DNAH5: variants seen among roughly 807,000 people sequenced by gnomAD.
DNAH5 encodes the protein dynein axonemal heavy chain 5.
DNAH5 carries 372 observed loss-of-function variants against 518.2 expected under a neutral mutation model. That is an observed-to-expected ratio of 0.72 (90% CI 0.66 to 0.78). DNAH5 has a LOEUF of 0.78. DNAH5 is among the 30% of genes least tolerant of loss of function. The pLI is 0.00. For missense variants in DNAH5, 5,523 were observed against 5,687.0 expected (o/e 0.97, Z 0.93); for synonymous variants, 2,039 against 2,025.9 (o/e 1.01, Z -0.17).
intron 7 of DNAH5, 91 bp downstream of exon 7, chr5:13,919,085 A>T (rs1776965367): frequency 2.0e-6 from 3 of 1,494,408 alleles, no homozygotes; most frequent in South Asian, 2.3e-5. Flanking sequence ...GTATAATAAC[A>T]TTTTTTTGTT....
At chr5:13,886,380 A>T (rs1772439486) in intron 17 of DNAH5, among the ~76,000 whole-genome samples, 1 of 152,182 alleles carries the variant, frequency 6.6e-6, no homozygotes, top group African/African-American at 2.4e-5. Flanking sequence ...ACCAGTAGAG[A>T]AAATATCTTC....
At chr5:13,893,650 C>A (rs1340709472) in intron 16 of DNAH5, among the ~76,000 whole-genome samples, 4 of 152,126 alleles carry the variant, frequency 2.6e-5, no homozygotes, top group African/African-American at 9.7e-5. Context: ...GCCTGATATT[C>A]AGGTCCTTTG....
intron 3 of DNAH5, among the ~76,000 whole-genome samples, chr5:13,927,474 A>C (rs1190131196): frequency 6.6e-6 from 1 of 152,086 alleles, no homozygotes; most frequent in Non-Finnish European, 1.5e-5. Flanking sequence ...GTGCCACTGC[A>C]CTCCAGTCTG....
At chr5:13,835,750 G>A (rs745955030) in intron 35 of DNAH5, among the ~76,000 whole-genome samples, 14 of 151,902 alleles carry the variant, frequency 9.2e-5, no homozygotes, top group African/African-American at 1.5e-4. Context: ...CTCTCTGCTC[G>A]GAGCACCCCT....
At chr5:13,915,687 G>C (rs1776573463) in intron 9 of DNAH5, among the ~76,000 whole-genome samples, 1 of 151,956 alleles carries the variant, frequency 6.6e-6, no homozygotes, top group South Asian at 2.1e-4. Flanking sequence ...CAGAACACGA[G>C]TCTTGATTCA....
At chr5:13,755,318 G>C (rs1252548673) in intron 61 of DNAH5, among the ~76,000 whole-genome samples, 7 of 151,900 alleles carry the variant, frequency 4.6e-5, no homozygotes, top group African/African-American at 1.7e-4. Context: ...ATAAATTATA[G>C]TGTATCCATG....
At chr5:13,712,261 A>G (rs1743585107) in intron 75 of DNAH5, among the ~76,000 whole-genome samples, 1 of 152,220 alleles carries the variant, frequency 6.6e-6, no homozygotes, top group Admixed American at 6.5e-5. Context: ...ATAATTGGCT[A>G]ACCACATGTA....
intron 44 of DNAH5, chr5:13,810,509 G>A: frequency 4.1e-6 from 2 of 489,882 alleles, no homozygotes; most frequent in South Asian, 5.2e-5. Flanking sequence ...GGGAGGCCGA[G>A]GCGGGCGGAT....
intron 68 of DNAH5, among the ~76,000 whole-genome samples, chr5:13,732,209 C>G (rs1181020945): frequency 6.6e-6 from 1 of 151,838 alleles, no homozygotes; most frequent in Non-Finnish European, 1.5e-5. Context: ...AGGCACTCTG[C>G]TTATCAACAA....
chr5:13,776,264 C>A (rs950195524), intron 55 of DNAH5, among the ~76,000 whole-genome samples, 175 bp downstream of exon 55: 1 of 152,302 alleles, frequency 6.6e-6, no homozygotes, highest in Non-Finnish European at 1.5e-5. Flanking sequence ...CTTGGGCTGA[C>A]AAACCTACTT....
intron 67 of DNAH5, 57 bp downstream of exon 67, chr5:13,735,761 T>C: frequency 7.8e-7 from 1 of 1,273,936 alleles, no homozygotes; most frequent in Non-Finnish European, 1.1e-6. Flanking sequence ...AAATGTAATG[T>C]CATCATTTTA....
In DNAH5 at chr5:13,830,041, C is replaced by T; in HGVS notation, c.6234G>A (p.Gly2078=). The change falls in exon 37 of 79, where the codon GGG becomes GGA. Residue 2078 remains glycine, a synonymous_variant. Transcript: ENST00000265104. ...GDNVTMNPEF[G]LFLTMNPGYA... is the part of the protein sequence containing the mutation. ...AGCTCCTTACCATGGTTAAGAAAAG[C>T]CCAAATTCAGGGTTCATAGTCACAT... 4 of 1,613,876 alleles carry T rather than the reference C, an allele frequency of 2.5e-6. No homozygotes were observed. The highest frequency in any genetic ancestry group is 3.4e-6 in the Non-Finnish European group (4 of 1,179,962).
chr5:13,717,403 C>T lies in DNAH5; in HGVS notation c.12617G>A (p.Trp4206Ter), dbSNP rs372118787. The T allele has an allele frequency of 1.2e-5, 20 of 1,613,928 alleles. No individual in the cohort carries two copies. The highest frequency in any genetic ancestry group is 1.6e-5 in the Non-Finnish European group (19 of 1,179,998). ...QERRKFGALG[W>*]NIPYEFNQAD... ...TTGGTTAAATTCGTAGGGGATATTC[C>T]ACCCCAGGGCACCGAACTTGCGCCT... Residue 4206 changes from tryptophan (W) to a stop codon, truncating the protein, a stop_gained, in exon 73 of 79, where the codon TGG (tryptophan) becomes TAG (stop). Coordinates refer to ENST00000265104, the MANE Select transcript of DNAH5 (RefSeq NM_001369.3). LOFTEE classifies it high-confidence loss of function.
At chr5:13,731,006 C>T (rs866164395) in intron 68 of DNAH5, among the ~76,000 whole-genome samples, 3 of 152,112 alleles carry the variant, frequency 2.0e-5, no homozygotes, top group East Asian at 1.9e-4. Context: ...GCCCGGCCTA[C>T]GCATTATTCA....
At chr5:13,700,557 T>C in intron 78 of DNAH5, 83 bp downstream of exon 78, 2 of 1,341,634 alleles carry the variant, frequency 1.5e-6, no homozygotes, top group Non-Finnish European at 2.1e-6. Context: ...TACTACATGA[T>C]AACAAAAATA....
intron 40 of DNAH5, among the ~76,000 whole-genome samples, chr5:13,821,472 A>T (rs1762226773): frequency 6.6e-6 from 1 of 152,236 alleles, no homozygotes; most frequent in Middle Eastern, 3.2e-3. Context: ...TTATAATAAC[A>T]TGATGGAAGG....
At chr5:13,960,841 C>T (rs1198648001) in intron 1 of DNAH5, among the ~76,000 whole-genome samples, 1 of 152,204 alleles carries the variant, frequency 6.6e-6, no homozygotes, top group African/African-American at 2.4e-5. Flanking sequence ...CATAGGTGCC[C>T]ACGTGTGCCC....
At chr5:13,772,284 T>G (rs1753452708) in intron 55 of DNAH5, among the ~76,000 whole-genome samples, 1 of 152,248 alleles carries the variant, frequency 6.6e-6, no homozygotes, top group African/African-American at 2.4e-5. Context: ...GTATTTATCA[T>G]GTAATGATTT....
chr5:13,810,027 T>A lies in DNAH5; in HGVS notation c.7609+32A>T, dbSNP rs1379634474. The A allele has an allele frequency of 2.6e-6, 4 of 1,546,924 alleles. No individual in the cohort carries two copies. The Admixed American group carries it at 5.9e-5, about 23-fold the overall frequency. ...GCCATGTAGGAAAGAACGGCCCCCA[T>A]GGGTTCCGTCTGGACGGGCAGGTGT... is the stretch of plus-strand genomic sequence containing the variant. On this transcript the variant is annotated intron_variant, in intron 45 of 78. Coordinates refer to ENST00000265104, the MANE Select transcript of DNAH5 (RefSeq NM_001369.3).
Sources: gnomAD v4.1 joint callset for allele counts (sites outside exome capture counted in the v4.1 genomes callset) on GRCh38, gnomAD v4.1.1 for gene constraint, MANE v1.5 for transcripts, NCBI Gene and HGNC (gene_info 2026-07-23, HGNC 2026-07-21) for gene names.